The following FAF1 variants were observed in gnomAD, a reference collection of about 807,000 sequenced individuals.
FAF1 encodes the protein FAS-associated factor 1.
In FAF1, 25 loss-of-function variants were observed where a neutral mutation model predicts 92.5. The observed-to-expected ratio is 0.27, with a 90% CI of 0.20 to 0.38. The LOEUF (loss-of-function observed/expected upper bound fraction) is 0.38. Ranked by LOEUF, FAF1 falls within the 10% of genes least tolerant of loss-of-function variation. FAF1 has a pLI of 1.00. For missense variants in FAF1, 636 were observed against 793.3 expected (o/e 0.80, Z 2.38); for synonymous variants, 234 against 273.2 (o/e 0.86, Z 1.42).
At chr1:50,482,915 C>A (rs1319315451) in intron 17 of FAF1, among the ~76,000 whole-genome samples, 4 of 151,900 alleles carry the variant, frequency 2.6e-5, no homozygotes, top group African/African-American at 9.7e-5. Flanking sequence ...ATGATTTTCC[C>A]CTTGTCTGTG....
rs188505044 is a variant in FAF1 at position 50,720,775 on chromosome 1, T to G, written c.552-14884A>C. Among the ~76,000 whole-genome samples, 16 of 152,194 alleles carry G rather than the reference T, an allele frequency of 1.1e-4. No individual in the cohort carries two copies. The East Asian group carries it at 2.3e-3, about 22-fold the overall frequency. On this transcript the variant is annotated intron_variant, in intron 6 of 18. Coordinates refer to ENST00000396153, the MANE Select transcript of FAF1 (RefSeq NM_007051.3). ...AACCATACCCAGACAGATGATCACC[T>G]CTTCTTCTGAGAGCTACTCTGAGAC... is the stretch of plus-strand genomic sequence containing the variant.
chr1:50,520,458 C>CTA lies in FAF1; in HGVS notation c.1494+14909_1494+14910dup, dbSNP rs1168883680. On this transcript the variant is annotated intron_variant, in intron 15 of 18. Transcript: ENST00000396153. ...CCAACATGAATTCAACTTCTTTACA[C>CTA]TATTTCTTTGCTCATGTTTTCCCAA... Among the ~76,000 whole-genome samples the CTA allele has an allele frequency of 3.3e-5, 5 of 152,314 alleles. No homozygotes were observed. In the South Asian group the frequency reaches 1.0e-3, roughly 32 times the overall value.
chr1:50,696,755 T>C (rs935775274), intron 7 of FAF1, among the ~76,000 whole-genome samples: 3 of 152,184 alleles, frequency 2.0e-5, no homozygotes, highest in Non-Finnish European at 4.4e-5. Flanking sequence ...CCAAAGTACC[T>C]TCTTTCCTCA....
At chr1:50,880,695 T>A (rs1418405105) in intron 1 of FAF1, among the ~76,000 whole-genome samples, 1 of 152,196 alleles carries the variant, frequency 6.6e-6, no homozygotes, top group African/African-American at 2.4e-5. Context: ...TTGTTTCTGT[T>A]GTTTAAGGCA....
intron 2 of FAF1, among the ~76,000 whole-genome samples, chr1:50,824,468 G>A (rs928937546): frequency 6.6e-6 from 1 of 151,942 alleles, no homozygotes. Flanking sequence ...AGCACTTAAA[G>A]TTGACTGATT....
chr1:50,891,023 A>G (rs190826544), intron 1 of FAF1, among the ~76,000 whole-genome samples: 1 of 152,140 alleles, frequency 6.6e-6, no homozygotes, highest in Admixed American at 6.5e-5. Context: ...TGGTCTTTTC[A>G]CATAGTCCCA....
chr1:50,660,420 C>A (rs1655320962), intron 7 of FAF1, among the ~76,000 whole-genome samples: 1 of 151,914 alleles, frequency 6.6e-6, no homozygotes, highest in South Asian at 2.1e-4. Context: ...AGGTATTATT[C>A]TCGTGAAAGC....
intron 2 of FAF1, among the ~76,000 whole-genome samples, chr1:50,840,244 A>G (rs912068893): frequency 6.6e-6 from 1 of 152,036 alleles, no homozygotes; most frequent in Non-Finnish European, 1.5e-5. Context: ...ACAATAAAAT[A>G]ATTCATAAAT....
chr1:50,480,432 T>C (rs573571700), intron 17 of FAF1, among the ~76,000 whole-genome samples: 5 of 152,244 alleles, frequency 3.3e-5, no homozygotes, highest in African/African-American at 4.8e-5. Context: ...TAACGGTTTA[T>C]AGCTGGCTGA....
intron 12 of FAF1, among the ~76,000 whole-genome samples, chr1:50,580,607 T>C (rs1210004449): frequency 1.3e-5 from 2 of 152,092 alleles, no homozygotes; most frequent in East Asian, 1.9e-4. Flanking sequence ...AAAGTGATCA[T>C]ATAATATTAA....
chr1:50,800,294 A>T (rs1247425597), intron 3 of FAF1, among the ~76,000 whole-genome samples: 4 of 152,202 alleles, frequency 2.6e-5, no homozygotes, highest in Admixed American at 1.3e-4. Context: ...CAGTAGCTGA[A>T]CCCACAGATT....
At chr1:50,690,296 T>C (rs1281190338) in intron 7 of FAF1, among the ~76,000 whole-genome samples, 2 of 152,126 alleles carry the variant, frequency 1.3e-5, no homozygotes, top group African/African-American at 2.4e-5. Context: ...AATTACATTA[T>C]ATTTCTTATA....
intron 2 of FAF1, among the ~76,000 whole-genome samples, chr1:50,806,320 C>G (rs2124599036): frequency 6.6e-6 from 1 of 152,214 alleles, no homozygotes. Flanking sequence ...AATAAGATAC[C>G]ACCACACACC....
intron 2 of FAF1, among the ~76,000 whole-genome samples, chr1:50,828,589 A>G (rs1315581094): frequency 6.6e-6 from 1 of 152,162 alleles, no homozygotes; most frequent in Non-Finnish European, 1.5e-5. Flanking sequence ...TTTTCAATAA[A>G]TGATGGTTAA....
At chr1:50,558,553 A>T (rs1380171760) in intron 13 of FAF1, among the ~76,000 whole-genome samples, 1 of 152,230 alleles carries the variant, frequency 6.6e-6, no homozygotes, top group Non-Finnish European at 1.5e-5. Flanking sequence ...TTCAAAACAC[A>T]GAGTAATTGG....
chr1:50,581,260 CTG>C (rs1367231112), intron 12 of FAF1, among the ~76,000 whole-genome samples: 2 of 152,098 alleles, frequency 1.3e-5, no homozygotes, highest in African/African-American at 2.4e-5. Context: ...ATTCATTAGA[CTG>C]TCAATTATAG....
Position 50,544,393 on chromosome 1 carries a change from T to C in FAF1, c.1269-4665A>G, listed in dbSNP as rs566500508. On this transcript the variant is annotated intron_variant, in intron 13 of 18. Transcript: ENST00000396153. Reference sequence around the variant, plus strand: ...CCACAGAGAAGGTGATTCAATAGATTTGAGTCAGGAAACAGCCTTTTTAAT... The same window carrying C: ...CCACAGAGAAGGTGATTCAATAGATCTGAGTCAGGAAACAGCCTTTTTAAT... Among the ~76,000 whole-genome samples the C allele has an allele frequency of 2.6e-5, 4 of 152,228 alleles. No homozygotes were observed. In the South Asian group the frequency reaches 6.2e-4, roughly 24 times the overall value.
At chr1:50,843,731 A>G (rs1346943059) in intron 2 of FAF1, among the ~76,000 whole-genome samples, 1 of 151,920 alleles carries the variant, frequency 6.6e-6, no homozygotes, top group African/African-American at 2.4e-5. Context: ...TGGCTGAATG[A>G]TATTCCATTG....
chr1:50,570,494 C>T (rs1275912747), intron 12 of FAF1, among the ~76,000 whole-genome samples: 1 of 151,900 alleles, frequency 6.6e-6, no homozygotes, highest in East Asian at 1.9e-4. Flanking sequence ...AAACCCCTGA[C>T]ACTGTTAAAC....
Sources: allele counts gnomAD v4.1 joint callset (sites outside exome capture counted in the v4.1 genomes callset), GRCh38; gene constraint gnomAD v4.1.1; transcripts MANE v1.5; gene names NCBI Gene and HGNC (gene_info 2026-07-23, HGNC 2026-07-21).